Variants in TIAM2 observed in about 807,000 individuals in gnomAD.
The protein encoded by TIAM2 is TIAM Rac1 associated GEF 2.
TIAM2 carries 80 observed loss-of-function variants against 152.9 expected under a neutral mutation model. The ratio of observed to expected loss-of-function variants is 0.52; its 90% CI spans 0.44 to 0.63. The LOEUF (loss-of-function observed/expected upper bound fraction) is 0.63. TIAM2 is among the 30% of genes least tolerant of loss of function. The probability of loss-of-function intolerance (pLI) is 0.00; values close to 1 mark genes in which losing one functional copy is unlikely to be tolerated. For synonymous variants in TIAM2, 804 were observed against 838.0 expected, an observed-to-expected ratio of 0.96 and a Z score of 0.70; for missense variants, 1,965 against 2,120.1, an observed-to-expected ratio of 0.93 and a Z score of 1.44.
intron 1 of TIAM2, among the ~76,000 whole-genome samples, chr6:155,039,912 A>G (rs1394812381): frequency 6.6e-6 from 1 of 152,252 alleles, no homozygotes; most frequent in African/African-American, 2.4e-5. Flanking sequence ...GCGCCTAGGC[A>G]CGGAAAATGG....
At chr6:155,047,674 GA>G (rs1777210089) in intron 1 of TIAM2, among the ~76,000 whole-genome samples, 3 of 53,598 alleles carry the variant, frequency 5.6e-5, no homozygotes, top group African/African-American at 1.2e-4. Flanking sequence ...AGAGGAGAGA[GA>G]GAGAGAGAGA....
In TIAM2 at chr6:155,257,561, C is replaced by G; in HGVS notation, c.*440C>G. On this transcript the variant is annotated 3_prime_UTR_variant, in exon 27 of 27. Transcript: ENST00000682666. ...TAATGTGGTTTAGGGGCAAAATGTG[C>G]AGATACTTCATTTTTGTAAGATAGA... 2.7e-6 allele frequency: 1 copy of G among 375,958 alleles called. No homozygotes were observed. The highest frequency in any genetic ancestry group is 4.4e-6 in the Non-Finnish European group (1 of 225,690). The allele number at this position is 375,958 out of a possible 1,614,324, so 23.3% of individuals were successfully genotyped here. A position where few individuals can be genotyped will look rare whatever the true frequency, so the allele number is the denominator to read the frequency against.
At chr6:155,015,872 G>T (rs1360511698) in intron 1 of TIAM2, among the ~76,000 whole-genome samples, 1 of 150,256 alleles carries the variant, frequency 6.7e-6, no homozygotes, top group East Asian at 2.0e-4. Flanking sequence ...AGGAGGCGGG[G>T]GTTGCAGTGA....
chr6:155,033,734 T>TTG (rs1385373286), intron 1 of TIAM2, among the ~76,000 whole-genome samples: 2 of 151,784 alleles, frequency 1.3e-5, no homozygotes, highest in African/African-American at 4.8e-5. Flanking sequence ...TTTTGTTTTT[T>TTG]GAGACAGAGT....
chr6:155,051,620 A>C (rs757759201), intron 1 of TIAM2, among the ~76,000 whole-genome samples: 11 of 151,862 alleles, frequency 7.2e-5, no homozygotes, highest in Non-Finnish European at 1.5e-4. Context: ...TTTTGGCATA[A>C]AATGCTCTTT....
chr6:155,004,973 G>A, intron 1 of TIAM2: 1 of 332,240 alleles, frequency 3.0e-6, no homozygotes, highest in Non-Finnish European at 5.1e-6. Flanking sequence ...TCCCAGGCAG[G>A]CCTTCACTTA....
chr6:155,169,197 G>A (rs917224834), intron 9 of TIAM2, among the ~76,000 whole-genome samples: 2 of 152,124 alleles, frequency 1.3e-5, no homozygotes, highest in South Asian at 2.1e-4. Context: ...GGGTTTCACC[G>A]TGTTAGCCAC....
intron 1 of TIAM2, among the ~76,000 whole-genome samples, chr6:155,066,306 G>C (rs1327013021): frequency 6.6e-6 from 1 of 152,108 alleles, no homozygotes; most frequent in Non-Finnish European, 1.5e-5. Flanking sequence ...TTCTAATTTT[G>C]CTCATCTCTG....
At chr6:155,252,446 G>C (rs1427921803) in intron 23 of TIAM2, among the ~76,000 whole-genome samples, 1 of 152,188 alleles carries the variant, frequency 6.6e-6, no homozygotes, top group East Asian at 1.9e-4. Context: ...TCCAGCCTGT[G>C]CGACAGAGTG....
chr6:155,065,027 C>T (rs1464613254), intron 1 of TIAM2, among the ~76,000 whole-genome samples: 2 of 152,146 alleles, frequency 1.3e-5, no homozygotes, highest in East Asian at 3.9e-4. Context: ...GCAATCTCAG[C>T]TCACTGCAAC....
Position 155,207,211 on chromosome 6 carries a change from G to A in TIAM2, c.3065-3993G>A, listed in dbSNP as rs866092204. On this transcript the variant is annotated intron_variant, in intron 14 of 26. Transcript: ENST00000682666. ...CAAACAGCTTTGTAAATAAGCATTC[G>A]GATTTTACCAGCCTCCACTCTTTTT... 2.0e-5 allele frequency among the ~76,000 whole-genome samples: 3 copies of A among 152,260 alleles called. No individual in the cohort carries two copies. In the South Asian group the frequency reaches 6.2e-4, roughly 32 times the overall value.
At chr6:155,064,565 C>G (rs1353316676) in intron 1 of TIAM2, among the ~76,000 whole-genome samples, 11 of 152,112 alleles carry the variant, frequency 7.2e-5, no homozygotes, top group Admixed American at 7.2e-4. Context: ...GTGTCTTGCT[C>G]TGGGATTTTA....
chr6:155,140,571 T>TGA (rs1260760074), intron 5 of TIAM2, among the ~76,000 whole-genome samples: 103 of 110,752 alleles, frequency 9.3e-4, no homozygotes, highest in Admixed American at 2.0e-3. Flanking sequence ...TGTGTGTGTG[T>TGA]GTGAGAGAGA....
chr6:155,242,214 A>AGCCTGTGAG (rs1485754990), intron 16 of TIAM2, among the ~76,000 whole-genome samples: 2 of 152,242 alleles, frequency 1.3e-5, no homozygotes, highest in Non-Finnish European at 2.9e-5. Flanking sequence ...AGGCAGCACC[A>AGCCTGTGAG]GCCTGTGAGG....
intron 1 of TIAM2, among the ~76,000 whole-genome samples, chr6:155,058,864 A>G (rs1023863134): frequency 1.8e-4 from 27 of 152,198 alleles, no homozygotes; most frequent in Non-Finnish European, 3.1e-4. Context: ...GGAATATACA[A>G]TATGATACTA....
In TIAM2 at chr6:155,032,017, A is replaced by G. The variant is rs1192752292; in HGVS notation, c.-209+36525A>G. On this transcript the variant is annotated intron_variant, in intron 1 of 26. Transcript: ENST00000682666. ...AAGGTAAGAAATTTACAGTTCCTGT[A>G]AGTACTGCTTTGGCAGAGCAGAACC... is the stretch of plus-strand genomic sequence containing the variant. Among the ~76,000 whole-genome samples the G allele has an allele frequency of 2.0e-5, 3 of 152,212 alleles. No individual in the cohort carries two copies. The East Asian group carries it at 5.8e-4, about 29-fold the overall frequency.
At chr6:155,250,558 G>C (rs1409969193) in intron 21 of TIAM2, 10 of 1,535,976 alleles carry the variant, frequency 6.5e-6, no homozygotes, top group Non-Finnish European at 8.7e-6. Context: ...GGAGCTCAGA[G>C]GTGATGGATG....
At chr6:155,111,307 ACACACACAC>A (rs1562319616) in intron 2 of TIAM2, among the ~76,000 whole-genome samples, 3 of 80,516 alleles carry the variant, frequency 3.7e-5, no homozygotes, top group Non-Finnish European at 5.0e-5. Flanking sequence ...ATACACACAC[ACACACACAC>A]ACACACACAC....
chr6:155,208,636 C>T (rs568677158), intron 14 of TIAM2, among the ~76,000 whole-genome samples: 26 of 152,290 alleles, frequency 1.7e-4, no homozygotes, highest in Admixed American at 3.9e-4. Context: ...TACCCAGTCA[C>T]CTAGGACATA....
Sources: gnomAD v4.1 joint callset for allele counts (sites outside exome capture counted in the v4.1 genomes callset) on GRCh38, gnomAD v4.1.1 for gene constraint, MANE v1.5 for transcripts, NCBI Gene and HGNC (gene_info 2026-07-23, HGNC 2026-07-21) for gene names.